SNAP29: variants seen among roughly 807,000 people sequenced by gnomAD.
SNAP29 encodes the protein synaptosomal-associated protein 29.
Under a neutral mutation model 27.9 loss-of-function variants are expected in SNAP29, and 13 were observed. That is an observed-to-expected ratio of 0.47 (90% CI 0.30 to 0.74). The LOEUF is 0.74. SNAP29 is among the 30% of genes least tolerant of loss of function. The probability of loss-of-function intolerance (pLI) is 0.06; values close to 1 mark genes in which losing one functional copy is unlikely to be tolerated. For missense variants in SNAP29, 368 were observed against 336.5 expected (o/e 1.09, Z -0.73); for synonymous variants, 119 against 127.1 (o/e 0.94, Z 0.43).
intron 1 of SNAP29, among the ~76,000 whole-genome samples, chr22:20,861,113 C>G (rs1406290491): frequency 7.2e-6 from 1 of 138,820 alleles, no homozygotes; most frequent in African/African-American, 2.8e-5. Context: ...ATCCACCTCC[C>G]TGTGGTTTTT....
intron 2 of SNAP29, among the ~76,000 whole-genome samples, chr22:20,873,819 T>C (rs182884342): frequency 6.7e-6 from 1 of 149,102 alleles, no homozygotes; most frequent in Non-Finnish European, 1.5e-5. Context: ...AATACAAAAA[T>C]CAGCCAGGCA....
intron 4 of SNAP29, among the ~76,000 whole-genome samples, chr22:20,887,174 G>A (rs1879346751): frequency 6.6e-6 from 1 of 150,512 alleles, no homozygotes; most frequent in Non-Finnish European, 1.5e-5. Flanking sequence ...GCAGTGAGCC[G>A]AGATCATGGC....
At position 20,890,752 on chromosome 22, in the gene SNAP29, C is replaced by G. The variant is rs2058404246; in HGVS notation, c.*2916C>G. 2.1e-5 allele frequency: 2 copies of G among 96,938 alleles called. No homozygotes were observed. Among genetic ancestry groups the G allele is most frequent in the South Asian group, 6.9e-4 (2 of 2,892 alleles). The allele number at this position is 96,938 out of a possible 1,614,324, so 6.0% of individuals were successfully genotyped here. A position where few individuals can be genotyped will look rare whatever the true frequency, so the allele number is the denominator to read the frequency against. ...CCAGCCTGGGCAACAGAGCAAGACT[C>G]CGTCTCAAAAAAAAAAAAAAAAAAA... On this transcript the variant is annotated 3_prime_UTR_variant, in exon 5 of 5. Coordinates refer to ENST00000215730, the MANE Select transcript of SNAP29 (RefSeq NM_004782.4).
At chr22:20,868,188 C>T (rs1156287542) in intron 1 of SNAP29, among the ~76,000 whole-genome samples, 1 of 152,212 alleles carries the variant, frequency 6.6e-6, no homozygotes, top group Non-Finnish European at 1.5e-5. Context: ...ATGCCAGATA[C>T]ATTAGCAGCT....
rs767861915 is a variant in SNAP29, at chr22:20,870,388, A to G, written c.289A>G (p.Lys97Glu). Residue 97 changes from lysine to glutamate, a missense_variant, in exon 2 of 5, where the codon AAG (lysine) becomes GAG (glutamate). By Grantham distance (56) the Lys-to-Glu change is moderately conservative. Transcript: ENST00000215730. Reference sequence around the variant, plus strand: ...GGAGCGCACAGAGAAGATGGTGGACAAGATGGACCAAGATTTGAAGATCAG... The same window carrying G: ...GGAGCGCACAGAGAAGATGGTGGACGAGATGGACCAAGATTTGAAGATCAG... ...VLERTEKMVDKMDQDLKISQK... is the reference protein window; with the variant it reads ...VLERTEKMVDEMDQDLKISQK... The G allele has an allele frequency of 5.6e-6, 9 of 1,614,060 alleles. No homozygotes were observed. In the African/African-American group the frequency reaches 8.0e-5, roughly 14 times the overall value.
chr22:20,870,679 T>G, intron 2 of SNAP29, 146 bp downstream of exon 2: 1 of 774,098 alleles, frequency 1.3e-6, no homozygotes, highest in Non-Finnish European at 2.2e-6. Flanking sequence ...CCTCAAACAT[T>G]GTGAAACCAG....
In SNAP29 at chr22:20,859,365, C is replaced by CT. The variant is rs765549009; in HGVS notation, c.237+19dup. 2 of 1,506,014 alleles carry CT rather than the reference C, an allele frequency of 1.3e-6. No individual in the cohort carries two copies. The highest frequency in any genetic ancestry group is 3.3e-5 in the Admixed American group (2 of 59,910). 93.3% of individuals were successfully genotyped at this position (1,506,014 alleles called of 1,614,324 possible). On this transcript the variant is annotated intron_variant, in intron 1 of 4. Transcript: ENST00000215730. ...CTTCCGAGGTGAGCCTGGGGCAGGG[C>CT]TGGTGTGGACTCGCCGGTCTCTGTG...
chr22:20,867,397 G>A (rs750899358), intron 1 of SNAP29, among the ~76,000 whole-genome samples: 1 of 152,084 alleles, frequency 6.6e-6, no homozygotes, highest in Non-Finnish European at 1.5e-5. Flanking sequence ...GGTGGCTGGG[G>A]CACAGGTGTC....
At chr22:20,870,058 T>C (rs1026590894) in intron 1 of SNAP29, among the ~76,000 whole-genome samples, 1 of 152,090 alleles carries the variant, frequency 6.6e-6, no homozygotes. Flanking sequence ...TGTGAATCAC[T>C]GCGCCACCCT....
At chr22:20,859,521 C>G in intron 1 of SNAP29, 174 bp downstream of exon 1, 1 of 630,250 alleles carries the variant, frequency 1.6e-6, no homozygotes, top group East Asian at 2.7e-5. Flanking sequence ...GTATGTGCAT[C>G]TGGAGTACTT....
chr22:20,867,344 T>G (rs908926549), intron 1 of SNAP29, among the ~76,000 whole-genome samples: 3 of 151,576 alleles, frequency 2.0e-5, no homozygotes, highest in Non-Finnish European at 4.4e-5. Flanking sequence ...GAGGGGGGTG[T>G]GGACCTGCCT....
At chr22:20,875,508 C>T (rs184182765) in intron 2 of SNAP29, among the ~76,000 whole-genome samples, 37 of 152,190 alleles carry the variant, frequency 2.4e-4, no homozygotes, top group African/African-American at 8.4e-4. Context: ...GGAGGTTGGC[C>T]CTGGGAACAG....
At chr22:20,883,443 C>A (rs757933231) in intron 3 of SNAP29, 28 bp from the exon 4 acceptor site, 3 of 1,391,958 alleles carry the variant, frequency 2.2e-6, no homozygotes, top group Middle Eastern at 1.8e-4. Context: ...CAATTAACCG[C>A]TCTCCTGGTG....
chr22:20,875,872 G>GC (rs1369107877), intron 2 of SNAP29, among the ~76,000 whole-genome samples: 3 of 151,116 alleles, frequency 2.0e-5, no homozygotes, highest in Non-Finnish European at 2.9e-5. Flanking sequence ...AAAAAAAATG[G>GC]GGGGGCGGCT....
intron 1 of SNAP29, among the ~76,000 whole-genome samples, chr22:20,859,869 T>C (rs755788192): frequency 6.6e-6 from 1 of 152,052 alleles, no homozygotes; most frequent in Non-Finnish European, 1.5e-5. Context: ...AACCAACCAA[T>C]AGAGGTATTG....
At chr22:20,876,980 G>A (rs535644453) in intron 2 of SNAP29, among the ~76,000 whole-genome samples, 2 of 152,284 alleles carry the variant, frequency 1.3e-5, no homozygotes, top group East Asian at 1.9e-4. Context: ...CAAGCTGCTT[G>A]TTCTCATTTC....
At chr22:20,862,842 C>T (rs1928359115) in intron 1 of SNAP29, among the ~76,000 whole-genome samples, 1 of 152,120 alleles carries the variant, frequency 6.6e-6, no homozygotes, top group Admixed American at 6.5e-5. Flanking sequence ...ACCTACATCT[C>T]CACCACACCC....
chr22:20,870,270 T>G (rs1928554539), intron 1 of SNAP29, 67 bp from the exon 2 acceptor site: 2 of 1,443,692 alleles, frequency 1.4e-6, no homozygotes, highest in East Asian at 4.5e-5. Flanking sequence ...CTGCTCCATG[T>G]GGTCCTTGAC....
intron 4 of SNAP29, among the ~76,000 whole-genome samples, chr22:20,887,310 A>C (rs1254306970): frequency 6.6e-6 from 1 of 151,430 alleles, no homozygotes; most frequent in Admixed American, 6.6e-5. Context: ...TTTTTCTCTT[A>C]GTGTTTTATA....
Sources: gnomAD v4.1 joint callset for allele counts (sites outside exome capture counted in the v4.1 genomes callset) on GRCh38, gnomAD v4.1.1 for gene constraint, MANE v1.5 for transcripts, NCBI Gene and HGNC (gene_info 2026-07-23, HGNC 2026-07-21) for gene names.